Variants in NBEA observed in about 807,000 individuals in gnomAD.
The protein encoded by NBEA is neurobeachin, also known as lysosomal-trafficking regulator 2.
NBEA carries 44 observed loss-of-function variants against 343.4 expected under a neutral mutation model. The observed-to-expected ratio is 0.13, with a 90% CI of 0.10 to 0.16. The LOEUF (loss-of-function observed/expected upper bound fraction) is 0.16. Among genes scored for constraint, NBEA ranks in the 10% least tolerant of loss-of-function variants. NBEA has a pLI of 1.00. For missense variants in NBEA, 2,555 were observed against 3,631.3 expected (o/e 0.70, Z 7.62); for synonymous variants, 1,175 against 1,238.7 (o/e 0.95, Z 1.08).
intron 43 of NBEA, among the ~76,000 whole-genome samples, chr13:35,554,238 C>G (rs548462737): frequency 6.6e-6 from 1 of 152,206 alleles, no homozygotes; most frequent in South Asian, 2.1e-4. Flanking sequence ...TCAAGGAGCA[C>G]TATGAAAAAT....
chr13:35,442,070 G>A (rs1281897684), intron 39 of NBEA, among the ~76,000 whole-genome samples: 1 of 151,780 alleles, frequency 6.6e-6, no homozygotes, highest in Non-Finnish European at 1.5e-5. Context: ...CTTTCTTTCA[G>A]AAAAACATAT....
intron 30 of NBEA, among the ~76,000 whole-genome samples, chr13:35,194,711 A>T (rs2152740954): frequency 6.6e-6 from 1 of 152,238 alleles, no homozygotes; most frequent in East Asian, 1.9e-4. Context: ...TTTCAAGGTT[A>T]TCGTTTAGAA....
At chr13:35,152,755 CATGTGGCTGTTGAACACTTAAA>C (rs1215423502) in intron 18 of NBEA, among the ~76,000 whole-genome samples, 1 of 152,110 alleles carries the variant, frequency 6.6e-6, no homozygotes, top group Non-Finnish European at 1.5e-5. Context: ...CCACTGGGGA[CATGTGGCTGTTGAACACTTAAA>C]ATGTGGCTGG....
intron 31 of NBEA, among the ~76,000 whole-genome samples, 168 bp downstream of exon 31, chr13:35,196,470 A>G (rs2072608810): frequency 1.3e-5 from 2 of 152,204 alleles, no homozygotes; most frequent in Non-Finnish European, 2.9e-5. Context: ...ACATCTTAAT[A>G]ATACATCTTA....
chr13:35,049,534 T>C (rs755475276), intron 5 of NBEA, among the ~76,000 whole-genome samples: 24 of 151,954 alleles, frequency 1.6e-4, no homozygotes, highest in African/African-American at 5.5e-4. Flanking sequence ...TATTACTATC[T>C]TCTAAGCTCT....
intron 1 of NBEA, among the ~76,000 whole-genome samples, chr13:35,014,240 G>A (rs971582218): frequency 1.3e-5 from 2 of 152,084 alleles, no homozygotes; most frequent in African/African-American, 4.8e-5. Context: ...TCTCAAACAA[G>A]TTTTGAACAA....
At chr13:35,491,726 A>G (rs1173895625) in intron 41 of NBEA, among the ~76,000 whole-genome samples, 1 of 151,954 alleles carries the variant, frequency 6.6e-6, no homozygotes, top group East Asian at 1.9e-4. Flanking sequence ...AATGAGAAAA[A>G]GTACAAGGAA....
chr13:35,127,247 G>A (rs1352374922), intron 17 of NBEA, among the ~76,000 whole-genome samples: 3 of 152,082 alleles, frequency 2.0e-5, no homozygotes, highest in African/African-American at 7.2e-5. Context: ...TGAAGAAAGT[G>A]GGAGCCAAAC....
intron 28 of NBEA, among the ~76,000 whole-genome samples, chr13:35,180,998 A>G (rs941563566): frequency 6.6e-6 from 1 of 151,846 alleles, no homozygotes. Flanking sequence ...GAATGCCATT[A>G]TTCCATTACT....
intron 48 of NBEA, among the ~76,000 whole-genome samples, chr13:35,612,022 T>C (rs1056082161): frequency 2.0e-5 from 3 of 152,142 alleles, no homozygotes; most frequent in Admixed American, 2.0e-4. Context: ...TCCCCAGCAA[T>C]GTATGACAGT....
At chr13:35,407,697 G>A (rs1047974793) in intron 38 of NBEA, among the ~76,000 whole-genome samples, 4 of 152,016 alleles carry the variant, frequency 2.6e-5, no homozygotes, top group Non-Finnish European at 5.9e-5. Flanking sequence ...AAAATCACGA[G>A]CATTGCTATA....
chr13:35,570,959 T>C (rs1425216549), intron 45 of NBEA, among the ~76,000 whole-genome samples: 1 of 151,998 alleles, frequency 6.6e-6, no homozygotes, highest in Non-Finnish European at 1.5e-5. Flanking sequence ...CAAATGAAAA[T>C]TTTAATGGAG....
chr13:35,113,982 A>G (rs538270322), intron 13 of NBEA, among the ~76,000 whole-genome samples: 2 of 152,228 alleles, frequency 1.3e-5, no homozygotes, highest in South Asian at 2.1e-4. Flanking sequence ...ATAAGTTTTT[A>G]ATACTATTTT....
intron 41 of NBEA, among the ~76,000 whole-genome samples, chr13:35,511,143 A>T (rs888114672): frequency 2.0e-5 from 3 of 152,134 alleles, no homozygotes; most frequent in Non-Finnish European, 4.4e-5. Flanking sequence ...TCAAATAAAT[A>T]CTCAAGTAAA....
chr13:35,271,312 G>A (rs59814138), intron 34 of NBEA, among the ~76,000 whole-genome samples: 6,508 of 152,190 alleles, frequency 0.043, 159 homozygotes, highest in South Asian at 0.078. Flanking sequence ...TAACATCAAC[G>A]TAAACAAAAA....
At chr13:34,992,270 T>A (rs1391172474) in intron 1 of NBEA, among the ~76,000 whole-genome samples, 1 of 146,066 alleles carries the variant, frequency 6.8e-6, no homozygotes, top group Non-Finnish European at 1.5e-5. Flanking sequence ...ATATTTTTTT[T>A]TTTAGACAGA....
intron 1 of NBEA, among the ~76,000 whole-genome samples, chr13:34,976,940 A>ATTTTTTTTTTTTTTTTTTTTTCTT (rs58973015): frequency 7.7e-6 from 1 of 129,648 alleles, no homozygotes; most frequent in Non-Finnish European, 1.7e-5. Context: ...TTTTCTCTCT[A>ATTTTTTTTTTTTTTTTTTTTTCTT]TTTTTTTTTT....
chr13:35,225,426 T>G (rs2074597150), intron 33 of NBEA, among the ~76,000 whole-genome samples: 1 of 152,136 alleles, frequency 6.6e-6, no homozygotes, highest in South Asian at 2.1e-4. Context: ...AAGGCTTCCA[T>G]TCTGTAGAGG....
intron 17 of NBEA, among the ~76,000 whole-genome samples, chr13:35,137,124 A>AT (rs1441435227): frequency 6.6e-6 from 1 of 152,132 alleles, no homozygotes; most frequent in Non-Finnish European, 1.5e-5. Flanking sequence ...ATTCATAATT[A>AT]TTTTTTAAGC....
Sources: gnomAD v4.1 joint callset for allele counts (sites outside exome capture counted in the v4.1 genomes callset) on GRCh38, gnomAD v4.1.1 for gene constraint, MANE v1.5 for transcripts, NCBI Gene and HGNC (gene_info 2026-07-23, HGNC 2026-07-21) for gene names.